CPSF4L: variants seen among roughly 807,000 people sequenced by gnomAD.
The protein encoded by CPSF4L is cleavage and polyadenylation specific factor 4 like.
A neutral mutation model predicts 24.0 loss-of-function variants in CPSF4L; 18 were observed. The observed-to-expected ratio is 0.75, with a 90% CI of 0.52 to 1.11. CPSF4L has a LOEUF of 1.11. Among genes scored for constraint, CPSF4L ranks in the 50% least tolerant of loss-of-function variants. CPSF4L has a pLI of 0.00. For synonymous variants in CPSF4L, 72 were observed against 77.2 expected (o/e 0.93, Z 0.35); for missense variants, 211 against 221.8 (o/e 0.95, Z 0.31).
intron 3 of CPSF4L, among the ~76,000 whole-genome samples, chr17:73,257,255 T>C (rs985630185): frequency 3.9e-5 from 6 of 152,108 alleles, no homozygotes; most frequent in African/African-American, 1.4e-4. Flanking sequence ...AGCAAGACCG[T>C]TGGAAGAGCA....
chr17:73,257,764 A>G lies in CPSF4L; in HGVS notation c.224T>C (p.Leu75Pro). The G allele has an allele frequency of 6.4e-7, 1 of 1,551,602 alleles. No individual in the cohort carries two copies. The highest frequency in any genetic ancestry group is 8.7e-7 in the Non-Finnish European group (1 of 1,146,970). ...MVVCKHWLRGLCKKGDHCKFL... is the reference protein window; with the variant it reads ...MVVCKHWLRGPCKKGDHCKFL... Reference sequence around the variant, plus strand: ...CTTGCAGTGATCACCCTTCTTGCAGAGCCCCCGGAGCCAGTGCTTGCATAC... The same window carrying G: ...CTTGCAGTGATCACCCTTCTTGCAGGGCCCCCGGAGCCAGTGCTTGCATAC... Residue 75 changes from leucine to proline, a missense_variant, in exon 3 of 6, where the codon CTC becomes CCC. Leu to Pro is a moderately conservative substitution (Grantham distance 98). Coordinates refer to ENST00000344935, the MANE Select transcript of CPSF4L (RefSeq NM_001129885.1).
downstream of CPSF4L, chr17:73,245,271 T>TA: frequency 6.5e-7 from 1 of 1,537,674 alleles, no homozygotes; most frequent in East Asian, 2.3e-5. Context: ...CTTAACAGTT[T>TA]AAAAATGTAT....
intron 3 of CPSF4L, 43 bp from the exon 4 acceptor site, chr17:73,254,069 G>T: frequency 1.4e-6 from 2 of 1,454,560 alleles, no homozygotes; most frequent in Non-Finnish European, 1.9e-6. Flanking sequence ...TTCTCTTTGT[G>T]ATCACTTCTG....
At chr17:73,255,428 A>G (rs2062021213) in intron 3 of CPSF4L, among the ~76,000 whole-genome samples, 1 of 150,988 alleles carries the variant, frequency 6.6e-6, no homozygotes, top group Non-Finnish European at 1.5e-5. Flanking sequence ...AATCGCTTGA[A>G]CCTGGGAGGC....
chr17:73,262,573 C>G (rs909592285), upstream of CPSF4L, among the ~76,000 whole-genome samples: 1 of 152,350 alleles, frequency 6.6e-6, no homozygotes, highest in Middle Eastern at 3.4e-3. Context: ...TGAGAAAGTG[C>G]TTTATAAATG....
intron 2 of CPSF4L, among the ~76,000 whole-genome samples, chr17:73,258,242 C>T (rs543745868): frequency 8.5e-5 from 13 of 152,086 alleles, no homozygotes; most frequent in Non-Finnish European, 1.9e-4. Context: ...GATCTCCTGA[C>T]CTTGTGATCT....
chr17:73,248,466 G>A lies in CPSF4L; in HGVS notation c.*28C>T, dbSNP rs1329668873. On this transcript the variant is annotated 3_prime_UTR_variant, in exon 6 of 6. Coordinates refer to ENST00000344935, the MANE Select transcript of CPSF4L (RefSeq NM_001129885.1). ...GTGTTCTGCCCTGTCTGTGGCATTGGAGTGCCCCGCTAGGTAAGAAGCAAC... is the reference window on the plus strand; with the variant it reads ...GTGTTCTGCCCTGTCTGTGGCATTGAAGTGCCCCGCTAGGTAAGAAGCAAC... 2 of 1,550,018 alleles carry A rather than the reference G, an allele frequency of 1.3e-6. No homozygotes were observed. Among genetic ancestry groups the A allele is most frequent in the African/African-American group, 1.4e-5 (1 of 73,024 alleles).
At chr17:73,243,754 C>T (rs995636738), downstream of CPSF4L, among the ~76,000 whole-genome samples, 10 of 151,868 alleles carry the variant, frequency 6.6e-5, no homozygotes, top group Non-Finnish European at 1.3e-4. Flanking sequence ...AGGCTAGTCT[C>T]GAACTCCTGA....
chr17:73,262,671 T>C (rs1425092538), upstream of CPSF4L, among the ~76,000 whole-genome samples: 1 of 152,200 alleles, frequency 6.6e-6, no homozygotes, highest in East Asian at 1.9e-4. Flanking sequence ...CAAAGGAGCA[T>C]GTTAGGGCTC....
intron 2 of CPSF4L, among the ~76,000 whole-genome samples, chr17:73,258,193 G>A (rs2062031012): frequency 6.6e-6 from 1 of 151,992 alleles, no homozygotes; most frequent in Non-Finnish European, 1.5e-5. Context: ...GTATTTTTTA[G>A]TAGAGACAGG....
intron 3 of CPSF4L, among the ~76,000 whole-genome samples, chr17:73,254,550 C>G (rs1222753354): frequency 6.6e-6 from 1 of 152,198 alleles, no homozygotes; most frequent in Non-Finnish European, 1.5e-5. Context: ...ACTAAGCCTG[C>G]GTCATCATCT....
chr17:73,245,231 G>T, downstream of CPSF4L: 3 of 1,612,038 alleles, frequency 1.9e-6, no homozygotes, highest in Non-Finnish European at 2.5e-6. Flanking sequence ...AACAGCAAAG[G>T]GCGTACAGTG....
chr17:73,243,086 T>TGTTTGTTTTTTG, the CPSF4L span: 1 of 987,740 alleles, frequency 1.0e-6, no homozygotes, highest in African/African-American at 1.7e-5. Flanking sequence ...AATTTTTTTT[T>TGTTTGTTTTTTG]TTTTTTTTTT....
chr17:73,254,790 T>C (rs1242114105), intron 3 of CPSF4L, among the ~76,000 whole-genome samples: 1 of 152,204 alleles, frequency 6.6e-6, no homozygotes, highest in Admixed American at 6.5e-5. Context: ...ATTACAGGCA[T>C]GTGCCACCAC....
chr17:73,244,289 G>A (rs1036576773), downstream of CPSF4L, among the ~76,000 whole-genome samples: 27 of 152,114 alleles, frequency 1.8e-4, no homozygotes, highest in South Asian at 6.2e-4. Flanking sequence ...GGGGCCGGGC[G>A]CGGTGGCTCA....
downstream of CPSF4L, chr17:73,247,167 A>G: frequency 7.4e-7 from 1 of 1,349,086 alleles, no homozygotes; most frequent in South Asian, 1.2e-5. Context: ...ACACAACAAC[A>G]GCAAAGTCGA....
intron 1 of CPSF4L, among the ~76,000 whole-genome samples, chr17:73,261,400 G>A (rs1024106348): frequency 1.5e-3 from 227 of 152,352 alleles, no homozygotes; most frequent in Non-Finnish European, 2.7e-3. Context: ...GGTGGCTCAT[G>A]CCTGTAATCC....
downstream of CPSF4L, chr17:73,245,192 G>A: frequency 1.2e-6 from 2 of 1,613,682 alleles, no homozygotes; most frequent in Non-Finnish European, 1.7e-6. Context: ...CGTAAGTAGT[G>A]TTGACCTGGA....
At chr17:73,250,166 A>G in intron 5 of CPSF4L, 7 of 1,428,196 alleles carry the variant, frequency 4.9e-6, no homozygotes, top group Non-Finnish European at 6.7e-6. Flanking sequence ...GGATGACAGC[A>G]GGCTTACTGT....
Sources: allele counts gnomAD v4.1 joint callset (sites outside exome capture counted in the v4.1 genomes callset), GRCh38; gene constraint gnomAD v4.1.1; transcripts MANE v1.5; gene names NCBI Gene and HGNC (gene_info 2026-07-23, HGNC 2026-07-21).